TSPAN9: variants seen among roughly 807,000 people sequenced by gnomAD.
TSPAN9 encodes tetraspanin 9.
Under a neutral mutation model 31.0 loss-of-function variants are expected in TSPAN9, and 16 were observed. The observed-to-expected ratio is 0.52, with a 90% CI of 0.35 to 0.78. The LOEUF is 0.78. Among genes scored for constraint, TSPAN9 ranks in the 30% least tolerant of loss-of-function variants. TSPAN9 has a pLI of 0.01. For missense variants in TSPAN9, 272 were observed against 312.5 expected (o/e 0.87, Z 0.98); for synonymous variants, 145 against 121.6 (o/e 1.19, Z -1.27).
At chr12:3,111,213 G>A (rs544861864) in intron 2 of TSPAN9, among the ~76,000 whole-genome samples, 4 of 152,204 alleles carry the variant, frequency 2.6e-5, no homozygotes, top group South Asian at 2.1e-4. Flanking sequence ...CTGAATTCTT[G>A]TACCACTTCA....
intron 3 of TSPAN9, among the ~76,000 whole-genome samples, chr12:3,206,056 C>T (rs369714485): frequency 1.2e-4 from 19 of 152,218 alleles, no homozygotes; most frequent in Non-Finnish European, 2.4e-4. Flanking sequence ...GCAGCTCGCT[C>T]TAGCCTGAGG....
Position 3,283,371 on chromosome 12 carries a change from A to T in TSPAN9, c.*255A>T. On this transcript the variant is annotated 3_prime_UTR_variant, in exon 9 of 9. Transcript: ENST00000011898. ...CATATGCGTATTTGCCAAAGACGAC[A>T]GGGTGGGCTGGGGTGCGCTCCGGAG... The T allele has an allele frequency of 8.8e-6, 4 of 452,524 alleles. No homozygotes were observed. The highest frequency in any genetic ancestry group is 8.2e-5 in the African/African-American group (4 of 48,816). 28.0% of individuals were successfully genotyped at this position (452,524 alleles called of 1,614,324 possible). A position where few individuals can be genotyped will look rare whatever the true frequency, so the allele number is the denominator to read the frequency against.
chr12:3,170,600 C>A lies in TSPAN9; in HGVS notation c.-17-30577C>A, dbSNP rs529972986. On this transcript the variant is annotated intron_variant, in intron 2 of 8. Transcript: ENST00000011898. The surrounding 1 kb of genome is among the most constrained non-coding windows in gnomAD (Gnocchi z 4.4). ...CTGAGTCAGTTCTGTGTGGGGGGGT[C>A]GTGATGGGGGAGCAGATGGCCCTGG... 4.1e-4 allele frequency among the ~76,000 whole-genome samples: 61 copies of A among 149,482 alleles called. No homozygotes were observed. The highest frequency in any genetic ancestry group is 1.4e-3 in the African/African-American group (57 of 40,458).
chr12:3,281,378 C>T (rs918202995), intron 7 of TSPAN9, 49 bp downstream of exon 7: 1 of 1,518,454 alleles, frequency 6.6e-7, no homozygotes, highest in Non-Finnish European at 8.8e-7. Flanking sequence ...TGTGTGGATG[C>T]CCCGGCACGG....
At chr12:3,086,221 G>C (rs1368935663) in intron 2 of TSPAN9, among the ~76,000 whole-genome samples, 1 of 152,166 alleles carries the variant, frequency 6.6e-6, no homozygotes, top group Non-Finnish European at 1.5e-5. Context: ...GAACCAGGAG[G>C]GTGCTCTTCA....
intron 2 of TSPAN9, among the ~76,000 whole-genome samples, chr12:3,136,181 C>T (rs867516251): frequency 2.0e-5 from 3 of 152,202 alleles, no homozygotes; most frequent in South Asian, 2.1e-4. Flanking sequence ...GGAAGCACTT[C>T]GTGAGCCAGG....
intron 2 of TSPAN9, among the ~76,000 whole-genome samples, chr12:3,179,032 T>C (rs1456516549): frequency 6.6e-6 from 1 of 152,210 alleles, no homozygotes; most frequent in African/African-American, 2.4e-5. Context: ...TGAAGAGGAA[T>C]GTGTGATTTG....
chr12:3,260,338 G>C (rs1380021000), intron 3 of TSPAN9, among the ~76,000 whole-genome samples: 1 of 152,244 alleles, frequency 6.6e-6, no homozygotes, highest in East Asian at 1.9e-4. Context: ...TGGGGATGCA[G>C]GTTTGTTCCC....
intron 2 of TSPAN9, among the ~76,000 whole-genome samples, chr12:3,184,226 C>A (rs2098359893): frequency 6.6e-6 from 1 of 151,962 alleles, no homozygotes; most frequent in Non-Finnish European, 1.5e-5. Flanking sequence ...GGCAAAATCC[C>A]ATCTCTAGAA....
chr12:3,203,222 A>G (rs994569362), intron 3 of TSPAN9, among the ~76,000 whole-genome samples: 6 of 152,046 alleles, frequency 3.9e-5, no homozygotes, highest in East Asian at 1.9e-4. Flanking sequence ...GATGAGCCCA[A>G]CGTGGTTTGG....
At chr12:3,137,682 C>T (rs2098332747) in intron 2 of TSPAN9, among the ~76,000 whole-genome samples, 1 of 152,180 alleles carries the variant, frequency 6.6e-6, no homozygotes, top group Non-Finnish European at 1.5e-5. Flanking sequence ...CTGTTGTGCT[C>T]CTGGCAGTAG....
At chr12:3,162,002 G>C (rs1397969777) in intron 2 of TSPAN9, among the ~76,000 whole-genome samples, 1 of 152,112 alleles carries the variant, frequency 6.6e-6, no homozygotes, top group Non-Finnish European at 1.5e-5. Flanking sequence ...GTTGAAATTT[G>C]ATCCCAGTGT....
intron 3 of TSPAN9, among the ~76,000 whole-genome samples, chr12:3,269,764 G>A (rs962448569): frequency 4.6e-5 from 7 of 152,324 alleles, no homozygotes; most frequent in South Asian, 2.1e-4. Context: ...AGTCACAAGC[G>A]CTCCCTGTGT....
chr12:3,188,617 G>A (rs1021011155), intron 2 of TSPAN9, among the ~76,000 whole-genome samples: 1 of 152,192 alleles, frequency 6.6e-6, no homozygotes, highest in Non-Finnish European at 1.5e-5. Context: ...TGGCTGGGAT[G>A]TGGAAGCGCC....
chr12:3,095,773 G>A (rs1224665577), intron 2 of TSPAN9, among the ~76,000 whole-genome samples: 3 of 150,116 alleles, frequency 2.0e-5, no homozygotes, highest in Non-Finnish European at 4.5e-5. Flanking sequence ...CTTCCTAGAT[G>A]TGATGGCGGC....
At chr12:3,263,801 G>A (rs564972600) in intron 3 of TSPAN9, among the ~76,000 whole-genome samples, 14 of 152,322 alleles carry the variant, frequency 9.2e-5, no homozygotes, top group African/African-American at 2.9e-4. Flanking sequence ...TGGGGGGTGA[G>A]GGAGGATTGT....
intron 2 of TSPAN9, among the ~76,000 whole-genome samples, chr12:3,088,764 G>A (rs1310099652): frequency 4.6e-5 from 7 of 152,166 alleles, no homozygotes; most frequent in Non-Finnish European, 1.0e-4. Context: ...AAGGGTCTCT[G>A]AGGGGTTGTA....
Position 3,187,832 on chromosome 12 carries a change from G to C in TSPAN9, c.-17-13345G>C, listed in dbSNP as rs1285319235. Among the ~76,000 whole-genome samples, 1 of 152,056 alleles carries C rather than the reference G, an allele frequency of 6.6e-6. No homozygotes were observed. Among genetic ancestry groups the C allele is most frequent in the Non-Finnish European group, 1.5e-5 (1 of 68,010 alleles). ...CTTCCTGATGGGCCAGACTCTCCCT[G>C]GGCAGGTCCTCGGGGCACTCCCAGG... is the stretch of plus-strand genomic sequence containing the variant. On this transcript the variant is annotated intron_variant, in intron 2 of 8. Transcript: ENST00000011898. This position sits in a 1 kb window ranked among gnomAD's most constrained non-coding sequence, Gnocchi z 5.2.
intron 2 of TSPAN9, among the ~76,000 whole-genome samples, chr12:3,123,460 G>A (rs1208456825): frequency 6.6e-6 from 1 of 152,100 alleles, no homozygotes; most frequent in Non-Finnish European, 1.5e-5. Context: ...CCTTGCCCTT[G>A]GCCTGAGGCT....
Sources: gnomAD v4.1 joint callset for allele counts (sites outside exome capture counted in the v4.1 genomes callset) on GRCh38, gnomAD v4.1.1 for gene constraint, Gnocchi (gnomAD v3.1) non-coding constraint, MANE v1.5 for transcripts, NCBI Gene and HGNC (gene_info 2026-07-23, HGNC 2026-07-21) for gene names.